Variants in TTN observed in about 807,000 individuals in gnomAD.
The protein encoded by TTN is connectin.
TTN carries 1,525 observed loss-of-function variants against 3,223.0 expected under a neutral mutation model. That is an observed-to-expected ratio of 0.47 (90% CI 0.45 to 0.49). The LOEUF (loss-of-function observed/expected upper bound fraction) is 0.49. Among genes scored for constraint, TTN ranks in the 20% least tolerant of loss-of-function variants. The pLI, the probability that TTN is intolerant of heterozygous loss-of-function variation, is 0.00. For missense variants in TTN, 40,786 were observed against 43,424.0 expected (o/e 0.94, Z 5.40); for synonymous variants, 14,094 against 15,161.0 (o/e 0.93, Z 5.17).
rs1219253872 is a variant in TTN at position 178,597,847 on chromosome 2, G to A, written c.57263-28C>T. ...GGAAGCAATTGAAAATTACAAATGTGATTTTTCCCCTTCAATCTGAAACAT... is the reference window on the plus strand; with the variant it reads ...GGAAGCAATTGAAAATTACAAATGTAATTTTTCCCCTTCAATCTGAAACAT... On this transcript the variant is annotated intron_variant, in intron 293 of 362. Coordinates refer to ENST00000589042, the MANE Select transcript of TTN (RefSeq NM_001267550.2). 5 of 1,612,322 alleles carry A rather than the reference G, an allele frequency of 3.1e-6. No individual in the cohort carries two copies. The African/African-American group carries it at 6.7e-5, about 22-fold the overall frequency.
At position 178,759,159 on chromosome 2, in the gene TTN, C is replaced by A. The variant is rs755262343; in HGVS notation, c.10128G>T (p.Ser3376=). Residue 3376 remains serine (S), a synonymous_variant, in exon 44 of 363, where the codon TCG becomes TCT. Transcript: ENST00000589042. ...TGATTTTCTTGTCTTTGCTGTACCA[C>A]GACACTTTTAGATCTGCGACACAAA... The part of the protein sequence containing the change: ...CRVSGTDLKV[S]WYSKDKKIKP... 3.1e-6 allele frequency: 5 copies of A among 1,613,904 alleles called. No individual in the cohort carries two copies. The highest frequency in any genetic ancestry group is 4.2e-6 in the Non-Finnish European group (5 of 1,179,914).
chr2:178,678,788 G>T lies in TTN; in HGVS notation c.33785C>A (p.Pro11262Gln), dbSNP rs770211782. Residue 11262 changes from proline (P) to glutamine (Q), a missense_variant, in exon 143 of 363, where the codon CCA becomes CAA. By Grantham distance (76) the Pro-to-Gln change is moderately conservative (BLOSUM62 -1). Coordinates refer to ENST00000589042, the MANE Select transcript of TTN (RefSeq NM_001267550.2). ...PKKPVPEEKV[P>Q]VPVPKKVEAP... ...TTCCACCTTTTTAGGAACTGGTACT[G>T]GTACTTTCTCCTCTGGCACAGGTTT... 5.6e-6 allele frequency: 9 copies of T among 1,605,144 alleles called. No individual in the cohort carries two copies. The highest frequency in any genetic ancestry group is 6.8e-6 in the Non-Finnish European group (8 of 1,176,902).
In TTN at chr2:178,741,549, C is replaced by T. The variant is rs769466475; in HGVS notation, c.11684G>A (p.Ser3895Asn). The T allele has an allele frequency of 2.9e-5, 46 of 1,613,738 alleles. No individual in the cohort carries two copies. Among genetic ancestry groups the T allele is most frequent in the Non-Finnish European group, 3.7e-5 (44 of 1,179,818 alleles). Reference sequence around the variant, plus strand: ...ACATATTGTCTTTCCATAGTCATTACTGGCCATACATGTATACTCTCCCTC... The same window carrying T: ...ACATATTGTCTTTCCATAGTCATTATTGGCCATACATGTATACTCTCCCTC... ...EDEGEYTCMASNDYGKTICSA... is the reference protein window; with the variant it reads ...EDEGEYTCMANNDYGKTICSA... Residue 3895 changes from serine (S) to asparagine (N), a missense_variant, in exon 48 of 363, where the codon AGT (serine) becomes AAT (asparagine). Physicochemically the swap from Ser to Asn is conservative, Grantham distance 46. Transcript: ENST00000589042.
Position 178,759,125 on chromosome 2 carries a change from G to A in TTN, c.10162C>T (p.Arg3388Trp), listed in dbSNP as rs758680640. ...TCAAATTGAGTCATTCTAAAGAACC[G>A]AGATGGCTTGATTTTCTTGTCTTTG... ...YSKDKKIKPS[R>W]FFRMTQFEDT... Residue 3388 changes from arginine to tryptophan, a missense_variant, in exon 44 of 363, where the codon CGG (arginine) becomes TGG (tryptophan). Physicochemically the swap from Arg to Trp is moderately radical, Grantham distance 101. Coordinates refer to ENST00000589042, the MANE Select transcript of TTN (RefSeq NM_001267550.2). The A allele has an allele frequency of 4.1e-5, 66 of 1,613,812 alleles. No homozygotes were observed. Among genetic ancestry groups the A allele is most frequent in the Admixed American group, 8.3e-5 (5 of 59,984 alleles).
chr2:178,803,698 T>C (rs2094175895), intron 2 of TTN, among the ~76,000 whole-genome samples: 1 of 151,952 alleles, frequency 6.6e-6, no homozygotes, highest in Non-Finnish European at 1.5e-5. Context: ...AATTAAGAAT[T>C]AAGCATGATT....
At position 178,570,114 on chromosome 2, in the gene TTN, C is replaced by G; in HGVS notation, c.76018G>C (p.Val25340Leu). 1 of 1,613,454 alleles carries G rather than the reference C, an allele frequency of 6.2e-7. No individual in the cohort carries two copies. The highest frequency in any genetic ancestry group is 1.1e-5 in the South Asian group (1 of 91,072). ...SDGGSEILGY[V>L]LEKRDKEGIR... is the part of the protein sequence containing the mutation. The stretch of plus-strand genomic sequence containing the variant: ...CCTTCTTTATCCCGTTTCTCAAGAA[C>G]ATATCCAAGAATTTCACTACCACCA... The change falls in exon 326 of 363, where the codon GTT (valine) becomes CTT (leucine). Residue 25340 changes from valine (V) to leucine (L), a missense_variant. Transcript: ENST00000589042.
rs1360910220 is a variant in TTN, at chr2:178,759,090, A to G, written c.10197T>C (p.Tyr3399=). 1.9e-6 allele frequency: 3 copies of G among 1,614,054 alleles called. No homozygotes were observed. The highest frequency in any genetic ancestry group is 2.2e-5 in the South Asian group (2 of 91,074). ...GATAAGCTTCGGCAATTTCCAGTTG[A>G]TAAGTGTCTTCAAATTGAGTCATTC... ...FFRMTQFEDT[Y]QLEIAEAYPE... is the part of the protein sequence containing the mutation. Residue 3399 remains tyrosine (Y), a synonymous_variant, in exon 44 of 363, where the codon TAT becomes TAC. Transcript: ENST00000589042.
rs1709646432 is a variant in TTN, at chr2:178,575,264, A to G, written c.70868T>C (p.Ile23623Thr). 1 of 1,613,332 alleles carries G rather than the reference A, an allele frequency of 6.2e-7. No individual in the cohort carries two copies. The highest frequency in any genetic ancestry group is 8.5e-7 in the Non-Finnish European group (1 of 1,179,588). Reference sequence around the variant, plus strand: ...TGGAAGCATTGTCTGCTCCTTGACAATGACGGGTCTGCTTTCTCTAGGGGC... The same window carrying G: ...TGGAAGCATTGTCTGCTCCTTGACAGTGACGGGTCTGCTTTCTCTAGGGGC... ...RSAPRESRPV[I>T]VKEQTMLPEL... The change falls in exon 326 of 363, where the codon ATT (isoleucine) becomes ACT (threonine). Residue 23623 changes from isoleucine (I) to threonine (T), a missense_variant. By Grantham distance (89) the Ile-to-Thr change is moderately conservative. Transcript: ENST00000589042. This position sits in a 1 kb window ranked among gnomAD's most constrained non-coding sequence, Gnocchi z 4.0.
At position 178,717,479 on chromosome 2, in the gene TTN, A is replaced by C. The variant is rs183287494; in HGVS notation, c.25351+44T>G. The C allele has an allele frequency of 2.2e-3, 3,507 of 1,564,062 alleles. 5 individuals carry two copies. The highest frequency in any genetic ancestry group is 2.9e-3 in the Non-Finnish European group (3,324 of 1,156,012). On this transcript the variant is annotated intron_variant, in intron 87 of 362. Coordinates refer to ENST00000589042, the MANE Select transcript of TTN (RefSeq NM_001267550.2). The stretch of plus-strand genomic sequence containing the variant: ...CACCAGCCTTTTGGTGGCCTGGAGC[A>C]GTGAAGCTGCTTTACAATGAAGAGG...
rs1267329743 is a variant in TTN, at chr2:178,608,006, G to A, written c.52781C>T (p.Ala17594Val). ...TTIELEWEPP[A>V]FNGGGEIVGY... ...AACAATTTCCCCACCACCATTGAAAGCTGGGGGTTCCCATTCTAGTTCAAT... is the reference window on the plus strand; with the variant it reads ...AACAATTTCCCCACCACCATTGAAAACTGGGGGTTCCCATTCTAGTTCAAT... Residue 17594 changes from alanine (A) to valine (V), a missense_variant, in exon 276 of 363, where the codon GCT (alanine) becomes GTT (valine). By Grantham distance (64) the Ala-to-Val change is moderately conservative (BLOSUM62 0). Transcript: ENST00000589042. 1.2e-6 allele frequency: 2 copies of A among 1,612,846 alleles called. No individual in the cohort carries two copies. The highest frequency in any genetic ancestry group is 1.7e-6 in the Non-Finnish European group (2 of 1,179,318).
chr2:178,783,936 C>G, intron 16 of TTN, 134 bp downstream of exon 16: 2 of 1,415,570 alleles, frequency 1.4e-6, no homozygotes, highest in Non-Finnish European at 2.0e-6. Context: ...TACTATGCTC[C>G]ATAAAAATCA....
Position 178,733,122 on chromosome 2 carries a change from C to T in TTN, c.16055-1G>A. ...GTAAAAAATGGAGCAATGTCTCGATCTGTGTGTTGCACAAGAAGGGAGAAA... is the reference window on the plus strand; with the variant it reads ...GTAAAAAATGGAGCAATGTCTCGATTTGTGTGTTGCACAAGAAGGGAGAAA... On this transcript the variant is annotated splice_acceptor_variant, in intron 54 of 362. Transcript: ENST00000589042. LOFTEE classifies it high-confidence loss of function. 6.3e-7 allele frequency: 1 copy of T among 1,582,380 alleles called. No homozygotes were observed. The highest frequency in any genetic ancestry group is 2.2e-5 in the East Asian group (1 of 44,458).
At chr2:178,707,012 C>G in intron 100 of TTN, 58 bp from the exon 101 acceptor site, 1 of 1,442,804 alleles carries the variant, frequency 6.9e-7, no homozygotes, top group Non-Finnish European at 9.4e-7. Flanking sequence ...CAATACATAT[C>G]CCCCTTTGTA....
rs1270658068 is a variant in TTN, at chr2:178,574,685, G to A, written c.71447C>T (p.Ala23816Val). The change falls in exon 326 of 363, where the codon GCA (alanine) becomes GTA (valine). Residue 23816 changes from alanine to valine, a missense_variant. Physicochemically the swap from Ala to Val is moderately conservative, Grantham distance 64. Coordinates refer to ENST00000589042, the MANE Select transcript of TTN (RefSeq NM_001267550.2). Reference protein sequence around the residue: ...RYGVGPGITSACIVANYPFKV... With the variant: ...RYGVGPGITSVCIVANYPFKV... Reference sequence around the variant, plus strand: ...AAATGGATAGTTGGCAACTATGCATGCTGATGTGATGCCTGGTCCAACTCC... The same window carrying A: ...AAATGGATAGTTGGCAACTATGCATACTGATGTGATGCCTGGTCCAACTCC... 1.9e-6 allele frequency: 3 copies of A among 1,613,216 alleles called. No homozygotes were observed. The highest frequency in any genetic ancestry group is 1.1e-5 in the South Asian group (1 of 91,010).
chr2:178,681,576 G>A, intron 136 of TTN, 85 bp downstream of exon 136: 1 of 1,467,058 alleles, frequency 6.8e-7, no homozygotes, highest in Non-Finnish European at 9.4e-7. Flanking sequence ...TTTGTACACT[G>A]CCACTTTTAC....
In TTN at chr2:178,804,445, C is replaced by T. The variant is rs143760643; in HGVS notation, c.91+107G>A. ...TTTCCATAGTGTTGGACTAATTTTC[C>T]GAAGTGAAAGCAGGGCTTAAACTTG... On this transcript the variant is annotated intron_variant, in intron 2 of 362. Transcript: ENST00000589042. The T allele has an allele frequency of 2.9e-3, 3,228 of 1,096,974 alleles. 50 individuals are homozygous for T. Among genetic ancestry groups the T allele is most frequent in the South Asian group, 0.023 (1,719 of 75,716 alleles). 68.0% of individuals were successfully genotyped at this position (1,096,974 alleles called of 1,614,324 possible). A position where few individuals can be genotyped will look rare whatever the true frequency, so the allele number is the denominator to read the frequency against.
Position 178,563,148 on chromosome 2 carries a change from C to G in TTN, c.82984G>C (p.Gly27662Arg). The part of the protein sequence containing the change: ...EGVGEPATLP[G>R]SVVAQERIEP... ...ATCCTCTCCTGAGCAACCACTGAGC[C>G]AGGTAGAGTTGCAGGTTCACCTACA... is the stretch of plus-strand genomic sequence containing the variant. Residue 27662 changes from glycine to arginine, a missense_variant, in exon 326 of 363, where the codon GGC (glycine) becomes CGC (arginine). By Grantham distance (125) the Gly-to-Arg change is moderately radical. Transcript: ENST00000589042. This position sits in a 1 kb window ranked among gnomAD's most constrained non-coding sequence, Gnocchi z 4.5. 6.2e-7 allele frequency: 1 copy of G among 1,613,694 alleles called. No individual in the cohort carries two copies. The highest frequency in any genetic ancestry group is 1.1e-5 in the South Asian group (1 of 91,078).
Position 178,665,728 on chromosome 2 carries a change from A to T in TTN, c.35939T>A (p.Ile11980Asn), listed in dbSNP as rs927982415. 6 of 1,340,098 alleles carry T rather than the reference A, an allele frequency of 4.5e-6. No homozygotes were observed. The Admixed American group carries it at 1.4e-4, about 30-fold the overall frequency. 83.0% of individuals were successfully genotyped at this position (1,340,098 alleles called of 1,614,324 possible). A position where few individuals can be genotyped will look rare whatever the true frequency, so the allele number is the denominator to read the frequency against. The change falls in exon 164 of 363, where the codon ATT becomes AAT. Residue 11980 changes from isoleucine to asparagine, a missense_variant. Physicochemically the swap from Ile to Asn is moderately radical, Grantham distance 149. Coordinates refer to ENST00000589042, the MANE Select transcript of TTN (RefSeq NM_001267550.2). ...GATACCTTTAGTGGGAGGTATTTCA[A>T]TTTCAAGGGGAGCAGCCATGGGTGT... ...KETPMAAPLE[I>N]EIPPTKAPEA... is the part of the protein sequence containing the mutation.
intron 147 of TTN, among the ~76,000 whole-genome samples, chr2:178,676,920 T>C (rs1422022145): frequency 1.3e-5 from 2 of 151,784 alleles, no homozygotes; most frequent in East Asian, 3.9e-4. Context: ...CATATATATT[T>C]AAATATATCT....
Sources: gnomAD v4.1 joint callset for allele counts (sites outside exome capture counted in the v4.1 genomes callset) on GRCh38, gnomAD v4.1.1 for gene constraint, Gnocchi (gnomAD v3.1) non-coding constraint, MANE v1.5 for transcripts, NCBI Gene and HGNC (gene_info 2026-07-23, HGNC 2026-07-21) for gene names.